RAD51B: variants seen among roughly 807,000 people sequenced by gnomAD.
RAD51B encodes the protein RAD51 paralog B.
Under a neutral mutation model 42.2 loss-of-function variants are expected in RAD51B, and 38 were observed. The observed-to-expected ratio is 0.90, with a 90% confidence interval of 0.70 to 1.18. The LOEUF is 1.18. RAD51B is among the 50% of genes most tolerant of loss of function. RAD51B has a pLI of 0.00. For synonymous variants in RAD51B, 154 were observed against 145.2 expected (o/e 1.06, Z -0.43); for missense variants, 373 against 400.7 (o/e 0.93, Z 0.59).
intron 7 of RAD51B, chr14:68,236,284 G>A (rs2080255404): frequency 6.6e-6 from 1 of 152,182 alleles, no homozygotes; most frequent in Admixed American, 6.5e-5. Context: ...GGAGTGTAGT[G>A]GCCATTTGCA....
chr14:67,908,649 T>C (rs930397560), intron 7 of RAD51B: 10 of 152,180 alleles, frequency 6.6e-5, no homozygotes, highest in Non-Finnish European at 1.5e-4. Context: ...TAGAGAGTAG[T>C]GTGGCCACAG....
chr14:68,476,538 C>T (rs1882624499), intron 10 of RAD51B, among the ~76,000 whole-genome samples: 1 of 152,178 alleles, frequency 6.6e-6, no homozygotes, highest in South Asian at 2.1e-4. Context: ...TTAAAATGTG[C>T]TCGTGGGTGA....
At chr14:68,399,259 G>GTT (rs397719053) in intron 8 of RAD51B, among the ~76,000 whole-genome samples, 37,933 of 135,822 alleles carry the variant, frequency 0.28, 6,560 homozygotes, top group African/African-American at 0.48. Context: ...TTTTTTTTGT[G>GTT]TTTTTTTTTT....
chr14:68,323,597 G>C (rs1364587179), intron 8 of RAD51B, among the ~76,000 whole-genome samples: 1 of 152,186 alleles, frequency 6.6e-6, no homozygotes, highest in Non-Finnish European at 1.5e-5. Context: ...TTCAAAACCA[G>C]CCTGATCAAA....
intron 9 of RAD51B, among the ~76,000 whole-genome samples, chr14:68,457,007 G>A (rs2085711892): frequency 7.0e-6 from 1 of 143,304 alleles, no homozygotes; most frequent in African/African-American, 2.6e-5. Context: ...CTGCCTCCCA[G>A]GTTCAAGCAA....
Position 68,511,776 on chromosome 14 carries a change from A to C in RAD51B, c.1036+43526A>C, listed in dbSNP as rs549666492. 1.3e-4 allele frequency among the ~76,000 whole-genome samples: 19 copies of C among 151,010 alleles called. No individual in the cohort carries two copies. The South Asian group carries it at 4.0e-3, about 32-fold the overall frequency. Reference sequence around the variant, plus strand: ...TTACAGATAGGGAAACTGAGGCCTCAGGGCATATCCAAAGTGATCTAGGGG... The same window carrying C: ...TTACAGATAGGGAAACTGAGGCCTCCGGGCATATCCAAAGTGATCTAGGGG... On this transcript the variant is annotated intron_variant, in intron 10 of 10. Coordinates refer to the RAD51B transcript ENST00000487270.
intron 7 of RAD51B, among the ~76,000 whole-genome samples, chr14:68,198,342 G>T (rs185831128): frequency 3.3e-5 from 5 of 152,198 alleles, no homozygotes; most frequent in African/African-American, 9.6e-5. Flanking sequence ...AGGCTCTGAG[G>T]CTTTATACTA....
intron 3 of RAD51B, among the ~76,000 whole-genome samples, chr14:67,829,303 C>T (rs988469454): frequency 7.3e-5 from 11 of 151,348 alleles, no homozygotes; most frequent in Non-Finnish European, 1.6e-4. Context: ...AGTGCAGTGG[C>T]ACAATCTTGG....
At chr14:68,470,556 C>A in intron 10 of RAD51B, 1 of 501,892 alleles carries the variant, frequency 2.0e-6, no homozygotes, top group Non-Finnish European at 3.9e-6. Flanking sequence ...TGATTCAAGA[C>A]TTTGAAAACT....
intron 7 of RAD51B, among the ~76,000 whole-genome samples, chr14:68,059,125 C>T (rs889496124): frequency 4.6e-5 from 7 of 152,172 alleles, no homozygotes; most frequent in African/African-American, 1.7e-4. Context: ...TCCTCCACAT[C>T]ACTTATGCGT....
At chr14:68,570,891 ACACACATG>A (rs762661743) in intron 10 of RAD51B, among the ~76,000 whole-genome samples, 7 of 112,978 alleles carry the variant, frequency 6.2e-5, no homozygotes, top group Non-Finnish European at 1.1e-4. Flanking sequence ...ACACACACAC[ACACACATG>A]CACACACACA....
At chr14:68,452,191 G>T (rs556315514) in intron 9 of RAD51B, among the ~76,000 whole-genome samples, 4 of 151,964 alleles carry the variant, frequency 2.6e-5, no homozygotes, top group African/African-American at 9.6e-5. Flanking sequence ...TGTTTTTTTT[G>T]GTTATTTAAA....
chr14:68,431,538 C>T (rs1386904750), intron 9 of RAD51B, among the ~76,000 whole-genome samples: 1 of 151,960 alleles, frequency 6.6e-6, no homozygotes, highest in African/African-American at 2.4e-5. Flanking sequence ...TTTATTTGCA[C>T]AGAGGTGTTT....
At chr14:68,007,302 A>G (rs923208460) in intron 7 of RAD51B, among the ~76,000 whole-genome samples, 3 of 152,068 alleles carry the variant, frequency 2.0e-5, no homozygotes, top group Non-Finnish European at 2.9e-5. Flanking sequence ...TTTGTCTATT[A>G]TCAATAGTGC....
At chr14:68,351,933 G>T (rs549710884) in intron 8 of RAD51B, among the ~76,000 whole-genome samples, 2 of 152,260 alleles carry the variant, frequency 1.3e-5, no homozygotes, top group Admixed American at 1.3e-4. Context: ...TTGTCCATGG[G>T]GGATATTCTG....
At chr14:68,506,388 A>C (rs1331254184) in intron 10 of RAD51B, among the ~76,000 whole-genome samples, 1 of 152,186 alleles carries the variant, frequency 6.6e-6, no homozygotes, top group Non-Finnish European at 1.5e-5. Context: ...GGCTCGGGGT[A>C]AATGCTACAA....
At chr14:67,844,065 T>C (rs778875604) in intron 4 of RAD51B, among the ~76,000 whole-genome samples, 13 of 152,168 alleles carry the variant, frequency 8.5e-5, no homozygotes, top group Non-Finnish European at 1.8e-4. Context: ...TTCTCATTAG[T>C]TTCAAAGAAT....
intron 11 of RAD51B, among the ~76,000 whole-genome samples, chr14:68,670,397 TAA>T (rs1893131911): frequency 6.6e-6 from 1 of 152,236 alleles, no homozygotes; most frequent in Non-Finnish European, 1.5e-5. Flanking sequence ...CTGGTGGGAC[TAA>T]GTCTTTCTTT....
chr14:68,181,509 A>C (rs1232147442), intron 7 of RAD51B, among the ~76,000 whole-genome samples: 1 of 152,208 alleles, frequency 6.6e-6, no homozygotes, highest in Non-Finnish European at 1.5e-5. Flanking sequence ...TTTTCTGCCC[A>C]CATTTGGTAA....
Sources: allele counts gnomAD v4.1 joint callset (sites outside exome capture counted in the v4.1 genomes callset), GRCh38; gene constraint gnomAD v4.1.1; transcripts MANE v1.5; gene names NCBI Gene and HGNC (gene_info 2026-07-23, HGNC 2026-07-21).